RGSL1: variants seen among roughly 807,000 people sequenced by gnomAD.
RGSL1 encodes regulator of G protein signaling like 1.
In RGSL1, 97 loss-of-function variants were observed where a neutral mutation model predicts 124.7. That is an observed-to-expected ratio of 0.78 (90% CI 0.66 to 0.92). The LOEUF (loss-of-function observed/expected upper bound fraction) is 0.92. Ranked by LOEUF, RGSL1 falls within the 40% of genes least tolerant of loss-of-function variation. RGSL1 has a pLI of 0.00. For missense variants in RGSL1, 1,233 were observed against 1,288.4 expected (o/e 0.96, Z 0.66); for synonymous variants, 424 against 438.1 (o/e 0.97, Z 0.40).
chr1:182,545,297 C>T (rs903072250), intron 15 of RGSL1, among the ~76,000 whole-genome samples: 1 of 152,154 alleles, frequency 6.6e-6, no homozygotes, highest in African/African-American at 2.4e-5. Flanking sequence ...AATCTCTACA[C>T]TTTCCATCCT....
At chr1:182,483,457 C>T (rs1349080945) in intron 6 of RGSL1, among the ~76,000 whole-genome samples, 1 of 151,964 alleles carries the variant, frequency 6.6e-6, no homozygotes, top group African/African-American at 2.4e-5. Context: ...TTTAAAAATA[C>T]ATACTTAATA....
chr1:182,499,496 C>T (rs1656190229), intron 9 of RGSL1, among the ~76,000 whole-genome samples: 1 of 152,172 alleles, frequency 6.6e-6, no homozygotes, highest in Non-Finnish European at 1.5e-5. Context: ...ATAGCAACCT[C>T]TGCCTTTTTT....
In RGSL1 at chr1:182,548,302, A is replaced by C; in HGVS notation, c.2670-15A>C. The C allele has an allele frequency of 6.4e-7, 1 of 1,551,686 alleles. No individual in the cohort carries two copies. Among genetic ancestry groups the C allele is most frequent in the South Asian group, 1.2e-5 (1 of 84,038 alleles). On this transcript the variant is annotated splice_polypyrimidine_tract_variant and intron_variant, in intron 15 of 21. Transcript: ENST00000294854. ...TCTTCTCCTCCTGATTTCCTACTTC[A>C]CATTTCTTTTTTAGATTTAATGATC...
At chr1:182,524,057 A>G (rs1658553623) in intron 10 of RGSL1, among the ~76,000 whole-genome samples, 1 of 152,224 alleles carries the variant, frequency 6.6e-6, no homozygotes, top group Non-Finnish European at 1.5e-5. Flanking sequence ...ATAATATTCA[A>G]AGACTTAAAA....
chr1:182,474,751 G>T (rs1018779779), intron 6 of RGSL1, among the ~76,000 whole-genome samples: 19 of 152,150 alleles, frequency 1.2e-4, no homozygotes. Context: ...TTAGGAACTG[G>T]GCCGCACAGC....
At chr1:182,466,841 G>C (rs1653374512) in intron 4 of RGSL1, among the ~76,000 whole-genome samples, 1 of 151,892 alleles carries the variant, frequency 6.6e-6, no homozygotes, top group South Asian at 2.1e-4. Flanking sequence ...AATTTCCAAG[G>C]AACTCCAAAC....
At chr1:182,546,347 CT>C (rs56229530) in intron 15 of RGSL1, among the ~76,000 whole-genome samples, 74,852 of 149,002 alleles carry the variant, frequency 0.5, 18,802 homozygotes, top group Non-Finnish European at 0.55. Context: ...CTTTGTATAC[CT>C]TTTTTTTTTT....
chr1:182,548,454 G>A lies in RGSL1; in HGVS notation c.2807G>A (p.Arg936Lys). ...AATTCTGACATCCCTCCAAAGCTGAGGGTAAGAAAGACTCCCACTCCACTC... is the reference window on the plus strand; with the variant it reads ...AATTCTGACATCCCTCCAAAGCTGAAGGTAAGAAAGACTCCCACTCCACTC... ...FLNSDIPPKL[R>K]VNVPEFQKDA... The change falls in exon 16 of 22, where the codon AGG becomes AAG. Residue 936 changes from arginine to lysine, a missense_variant and splice_region_variant. Transcript: ENST00000294854. The A allele has an allele frequency of 6.4e-7, 1 of 1,551,580 alleles. No homozygotes were observed. The highest frequency in any genetic ancestry group is 8.7e-7 in the Non-Finnish European group (1 of 1,146,960).
intron 18 of RGSL1, among the ~76,000 whole-genome samples, chr1:182,553,096 G>C (rs901001132): frequency 6.6e-6 from 1 of 152,126 alleles, no homozygotes; most frequent in African/African-American, 2.4e-5. Flanking sequence ...TAGAGATGAG[G>C]TTTTGCCACG....
chr1:182,499,694 G>T (rs1027671891), intron 9 of RGSL1, among the ~76,000 whole-genome samples: 1 of 152,304 alleles, frequency 6.6e-6, no homozygotes, highest in African/African-American at 2.4e-5. Context: ...ATATTGATAG[G>T]TGTGGATTTG....
intron 14 of RGSL1, among the ~76,000 whole-genome samples, chr1:182,538,593 T>G (rs1351791788): frequency 2.0e-5 from 3 of 151,134 alleles, no homozygotes; most frequent in Non-Finnish European, 1.5e-5. Flanking sequence ...CTGACTGTAA[T>G]GTAGGGAATA....
At chr1:182,487,894 G>C (rs12024567) in intron 6 of RGSL1, among the ~76,000 whole-genome samples, 41 of 152,208 alleles carry the variant, frequency 2.7e-4, no homozygotes, top group African/African-American at 9.4e-4. Context: ...AAAGGGTAAG[G>C]TCTTCAAGTG....
At chr1:182,551,482 G>A (rs1376023554) in intron 18 of RGSL1, among the ~76,000 whole-genome samples, 1 of 152,228 alleles carries the variant, frequency 6.6e-6, no homozygotes, top group African/African-American at 2.4e-5. Context: ...GGTACATGGA[G>A]AGGATGATCT....
At chr1:182,487,850 T>C (rs925733992) in intron 6 of RGSL1, among the ~76,000 whole-genome samples, 1 of 152,224 alleles carries the variant, frequency 6.6e-6, no homozygotes, top group African/African-American at 2.4e-5. Flanking sequence ...TGTTGTGTGT[T>C]TGTTTGTTTT....
chr1:182,528,336 G>A lies in RGSL1; in HGVS notation c.2125+564G>A, dbSNP rs546026272. Among the ~76,000 whole-genome samples, 130 of 152,156 alleles carry A rather than the reference G, an allele frequency of 8.5e-4. 1 individual carries two copies. In the Middle Eastern group the frequency reaches 0.027, roughly 32 times the overall value. On this transcript the variant is annotated intron_variant, in intron 11 of 21. Transcript: ENST00000294854. ...GAGCCAAACCACATCACTCCACTCC[G>A]GCCCCTCCCAAATCTCATGTTCTCA...
intron 10 of RGSL1, among the ~76,000 whole-genome samples, chr1:182,526,753 GATGTAGAAAAAAA>G (rs1459123047): frequency 6.6e-6 from 1 of 152,056 alleles, no homozygotes; most frequent in Non-Finnish European, 1.5e-5. Flanking sequence ...TATCTCAATT[GATGTAGAAAAAAA>G]GGCTTTTACA....
At chr1:182,464,213 T>C (rs1432731211) in intron 4 of RGSL1, among the ~76,000 whole-genome samples, 2 of 152,206 alleles carry the variant, frequency 1.3e-5, no homozygotes, top group African/African-American at 4.8e-5. Context: ...GGAAAATTTA[T>C]AGCTATGTTT....
intron 4 of RGSL1, chr1:182,471,400 G>A (rs1653828195): frequency 2.2e-6 from 1 of 457,188 alleles, no homozygotes; most frequent in South Asian, 1.6e-5. Context: ...GGTTCTTGGG[G>A]TTGTTCCTGG....
intron 9 of RGSL1, among the ~76,000 whole-genome samples, chr1:182,520,502 C>T (rs1466009857): frequency 6.6e-6 from 1 of 152,214 alleles, no homozygotes; most frequent in East Asian, 1.9e-4. Flanking sequence ...GACTTTAACA[C>T]TGCAAATGCC....
Sources: allele counts gnomAD v4.1 joint callset (sites outside exome capture counted in the v4.1 genomes callset), GRCh38; gene constraint gnomAD v4.1.1; transcripts MANE v1.5; gene names NCBI Gene and HGNC (gene_info 2026-07-23, HGNC 2026-07-21).